Variants in LDLRAD4 observed in about 807,000 individuals in gnomAD.
The protein encoded by LDLRAD4 is low-density lipoprotein receptor class A domain-containing protein 4.
A neutral mutation model predicts 17.0 loss-of-function variants in LDLRAD4; 5 were observed. That is an observed-to-expected ratio of 0.29 (90% CI 0.15 to 0.62). The LOEUF (loss-of-function observed/expected upper bound fraction) is 0.62. LDLRAD4 is among the 20% of genes least tolerant of loss of function. LDLRAD4 has a pLI of 0.84. For missense variants in LDLRAD4, 340 were observed against 424.7 expected (o/e 0.80, Z 1.75); for synonymous variants, 168 against 171.8 (o/e 0.98, Z 0.17).
Position 13,395,159 on chromosome 18 carries a change from A to G in LDLRAD4, c.40+7397A>G, listed in dbSNP as rs187088474. 2.0e-3 allele frequency among the ~76,000 whole-genome samples: 307 copies of G among 152,140 alleles called. 1 individual carries two copies. Among genetic ancestry groups the G allele is most frequent in the Middle Eastern group, 6.8e-3 (2 of 294 alleles). On this transcript the variant is annotated intron_variant, in intron 2 of 5. Coordinates refer to ENST00000359446, the Ensembl canonical transcript of LDLRAD4. Reference sequence around the variant, plus strand: ...CTCTTTACCACACTGAGGTAGAGATAATGGCCAGTGAGTAGGTTCTGTATA... The same window carrying G: ...CTCTTTACCACACTGAGGTAGAGATGATGGCCAGTGAGTAGGTTCTGTATA...
chr18:13,452,257 G>A (rs138042783), intron 3 of LDLRAD4, among the ~76,000 whole-genome samples: 371 of 152,290 alleles, frequency 2.4e-3, no homozygotes, highest in African/African-American at 8.7e-3. Context: ...GCACAGCAGG[G>A]TCCCAGTGTG....
At chr18:13,291,658 C>T (rs1320135843) in intron 1 of LDLRAD4, among the ~76,000 whole-genome samples, 2 of 152,170 alleles carry the variant, frequency 1.3e-5, no homozygotes, top group African/African-American at 4.8e-5. Context: ...GATCTGAAGA[C>T]TCTCAGGAAC....
At chr18:13,465,556 G>A (rs938247311) in intron 3 of LDLRAD4, among the ~76,000 whole-genome samples, 8 of 152,200 alleles carry the variant, frequency 5.3e-5, no homozygotes, top group African/African-American at 1.9e-4. Context: ...GTTTGATGGA[G>A]TCTACGACCT....
intron 1 of LDLRAD4, among the ~76,000 whole-genome samples, chr18:13,340,964 C>G (rs2082343015): frequency 6.6e-6 from 1 of 152,068 alleles, no homozygotes; most frequent in Non-Finnish European, 1.5e-5. Flanking sequence ...TCAGTTTTCC[C>G]AACCCATTTG....
At position 13,226,180 on chromosome 18, in the gene LDLRAD4, C is replaced by CTTTTTTTTTTTTTTTTTTTTG. The variant is rs2041786348; in HGVS notation, c.-467+7212_-467+7213insGTTTTTTTTTTTTTTTTTTTT. ...GGACTACAGATGCTGCCATGCCTTGCTTTTTTTTTTTTTTTTTTTTTGTAG... is the reference window on the plus strand; with the variant it reads ...GGACTACAGATGCTGCCATGCCTTGCTTTTTTTTTTTTTTTTTTTTGTTTTTTTTTTTTTTTTTTTTTGTAG... On this transcript the variant is annotated intron_variant, in intron 1 of 5. Coordinates refer to the LDLRAD4 transcript ENST00000399848. Among the ~76,000 whole-genome samples, 2 of 52,188 alleles carry CTTTTTTTTTTTTTTTTTTTTG rather than the reference C, an allele frequency of 3.8e-5. 1 individual carries two copies. The highest frequency in any genetic ancestry group is 1.6e-4 in the African/African-American group (2 of 12,822). 34.2% of individuals were successfully genotyped at this position (52,188 alleles called of 152,430 possible).
intron 3 of LDLRAD4, among the ~76,000 whole-genome samples, chr18:13,607,253 T>C (rs1446156532): frequency 6.6e-6 from 1 of 152,160 alleles, no homozygotes; most frequent in Non-Finnish European, 1.5e-5. Flanking sequence ...TGAGCCTCAG[T>C]TTCCCCATCT....
intron 1 of LDLRAD4, among the ~76,000 whole-genome samples, chr18:13,295,794 C>T (rs8085048): frequency 0.57 from 86,319 of 152,152 alleles, 26,294 homozygotes; most frequent in African/African-American, 0.81. Context: ...AGAAATAAAC[C>T]ATCATGTATA....
At chr18:13,325,601 C>T (rs769815003) in intron 1 of LDLRAD4, among the ~76,000 whole-genome samples, 63 of 152,336 alleles carry the variant, frequency 4.1e-4, no homozygotes, top group Admixed American at 7.2e-4. Context: ...CTCCTCTACT[C>T]TCCCTCTCCG....
chr18:13,307,268 C>G lies in LDLRAD4; in HGVS notation c.-383+29080C>G, dbSNP rs576215207. On this transcript the variant is annotated intron_variant, in intron 1 of 5. Coordinates refer to ENST00000359446, the Ensembl canonical transcript of LDLRAD4. ...CTTCATCGCTTCTGTCTCTGCCCCG[C>G]CTGAGACAGCATGGCCAACCCTGAC... is the stretch of plus-strand genomic sequence containing the variant. Among the ~76,000 whole-genome samples the G allele has an allele frequency of 4.6e-4, 70 of 152,264 alleles. No homozygotes were observed. In the East Asian group the frequency reaches 9.3e-3, roughly 20 times the overall value.
In LDLRAD4 at chr18:13,404,790, T is replaced by G. The variant is rs1223629317; in HGVS notation, c.40+17028T>G. Reference sequence around the variant, plus strand: ...TCCAGCCTGGGCGACTGAGCGAAACTCCGTCTCAAAAAAAAAAAAAAATTA... The same window carrying G: ...TCCAGCCTGGGCGACTGAGCGAAACGCCGTCTCAAAAAAAAAAAAAAATTA... On this transcript the variant is annotated intron_variant, in intron 2 of 5. Transcript: ENST00000359446. 3.4e-5 allele frequency among the ~76,000 whole-genome samples: 5 copies of G among 146,908 alleles called. No individual in the cohort carries two copies. The East Asian group carries it at 9.9e-4, about 29-fold the overall frequency.
intron 2 of LDLRAD4, among the ~76,000 whole-genome samples, chr18:13,430,150 T>C (rs2090229266): frequency 6.6e-6 from 1 of 152,216 alleles, no homozygotes; most frequent in Non-Finnish European, 1.5e-5. Context: ...CAGGCACTCT[T>C]GTGCTTCCCA....
At chr18:13,489,806 A>G (rs1241815230) in intron 3 of LDLRAD4, 2 of 152,200 alleles carry the variant, frequency 1.3e-5, no homozygotes, top group Admixed American at 6.5e-5. Context: ...CCTTTGCTGC[A>G]TTAAATTATC....
intron 4 of LDLRAD4, among the ~76,000 whole-genome samples, chr18:13,629,482 T>C (rs1415451610): frequency 1.3e-5 from 2 of 152,204 alleles, no homozygotes; most frequent in Non-Finnish European, 1.5e-5. Context: ...AGTAAAACTT[T>C]TATGGTAAGA....
chr18:13,481,502 G>A (rs146544014), intron 3 of LDLRAD4, among the ~76,000 whole-genome samples: 6 of 152,302 alleles, frequency 3.9e-5, no homozygotes, highest in South Asian at 4.2e-4. Context: ...GCATGGCCCC[G>A]TCTGCTGGGA....
chr18:13,616,568 C>T (rs893460307), intron 3 of LDLRAD4, among the ~76,000 whole-genome samples: 8 of 152,208 alleles, frequency 5.3e-5, no homozygotes, highest in African/African-American at 4.8e-5. Flanking sequence ...GTGTGGGCCC[C>T]GCACCAGACC....
chr18:13,529,055 G>A (rs2094084061), intron 3 of LDLRAD4, among the ~76,000 whole-genome samples: 1 of 152,264 alleles, frequency 6.6e-6, no homozygotes, highest in Admixed American at 6.5e-5. Flanking sequence ...ATGATGGGAA[G>A]TCGAAATAGC....
At chr18:13,503,048 A>G (rs1375284306) in intron 3 of LDLRAD4, among the ~76,000 whole-genome samples, 1 of 152,268 alleles carries the variant, frequency 6.6e-6, no homozygotes, top group Admixed American at 6.5e-5. Flanking sequence ...ATGGTATTAC[A>G]TGGAATTCCA....
At chr18:13,397,496 A>G (rs1324147067) in intron 2 of LDLRAD4, among the ~76,000 whole-genome samples, 1 of 152,100 alleles carries the variant, frequency 6.6e-6, no homozygotes, top group African/African-American at 2.4e-5. Flanking sequence ...TGTATTCCTG[A>G]CCTCAAGTTA....
intron 1 of LDLRAD4, among the ~76,000 whole-genome samples, chr18:13,315,883 A>G (rs921511845): frequency 1.3e-5 from 2 of 152,200 alleles, no homozygotes; most frequent in East Asian, 1.9e-4. Flanking sequence ...TATAAATTGG[A>G]TAGCAGATTG....
Sources: gnomAD v4.1 joint callset for allele counts (sites outside exome capture counted in the v4.1 genomes callset) on GRCh38, gnomAD v4.1.1 for gene constraint, MANE v1.5 for transcripts, NCBI Gene and HGNC (gene_info 2026-07-23, HGNC 2026-07-21) for gene names.